Variants in CACNB4 observed in about 807,000 individuals in gnomAD.
The protein encoded by CACNB4 is voltage-dependent L-type calcium channel subunit beta-4.
In CACNB4, 32 loss-of-function variants were observed where a neutral mutation model predicts 71.2. That is an observed-to-expected ratio of 0.45 (90% CI 0.34 to 0.60). The LOEUF is 0.60. Ranked by LOEUF, CACNB4 falls within the 20% of genes least tolerant of loss-of-function variation. The probability of loss-of-function intolerance (pLI) is 0.01; values close to 1 mark genes in which losing one functional copy is unlikely to be tolerated. For synonymous variants in CACNB4, 231 were observed against 236.9 expected, an observed-to-expected ratio of 0.97 and a Z score of 0.23; for missense variants, 464 against 647.9, an observed-to-expected ratio of 0.72 and a Z score of 3.08.
At chr2:152,091,567 G>A (rs1052110274) in intron 2 of CACNB4, among the ~76,000 whole-genome samples, 2 of 152,116 alleles carry the variant, frequency 1.3e-5, no homozygotes, top group Admixed American at 6.5e-5. Flanking sequence ...GAACCCAGGA[G>A]GCAGAGCTTG....
chr2:151,945,875 T>TAA (rs34099714), intron 2 of CACNB4, among the ~76,000 whole-genome samples: 5 of 135,110 alleles, frequency 3.7e-5, no homozygotes, highest in East Asian at 2.2e-4. Flanking sequence ...ACCCTGTCTT[T>TAA]AAAAAAAAAA....
At chr2:152,088,346 T>A (rs181774331) in intron 2 of CACNB4, among the ~76,000 whole-genome samples, 1 of 152,316 alleles carries the variant, frequency 6.6e-6, no homozygotes, top group East Asian at 1.9e-4. Flanking sequence ...CTGCACAAGT[T>A]ACTATGCATT....
intron 2 of CACNB4, among the ~76,000 whole-genome samples, chr2:152,046,444 G>C (rs2680981): frequency 0.73 from 111,190 of 152,126 alleles, 40,910 homozygotes; most frequent in East Asian, 0.89. Context: ...ATAATTTCTT[G>C]CCTACAGCTA....
chr2:151,861,585 GTAATCCCAGCAC>G (rs1292991048), intron 9 of CACNB4: 1 of 152,216 alleles, frequency 6.6e-6, no homozygotes, highest in East Asian at 1.9e-4. Context: ...GCTCATGCCT[GTAATCCCAGCAC>G]TTTGGGAGGC....
At chr2:152,059,121 G>A (rs1271562097) in intron 2 of CACNB4, among the ~76,000 whole-genome samples, 1 of 152,248 alleles carries the variant, frequency 6.6e-6, no homozygotes. Flanking sequence ...TGCTGCAGGA[G>A]TGGAGCCCTC....
chr2:151,966,910 G>T (rs534207157), intron 2 of CACNB4, among the ~76,000 whole-genome samples: 30 of 152,106 alleles, frequency 2.0e-4, no homozygotes, highest in Admixed American at 5.9e-4. Context: ...CACCCAAAAA[G>T]TAAGTTCTAT....
At chr2:151,893,145 T>C (rs1347513454) in intron 2 of CACNB4, among the ~76,000 whole-genome samples, 2 of 152,058 alleles carry the variant, frequency 1.3e-5, no homozygotes, top group African/African-American at 4.8e-5. Context: ...TAATGCATGA[T>C]ATAGGAAACA....
intron 2 of CACNB4, among the ~76,000 whole-genome samples, chr2:152,029,528 A>G (rs962104098): frequency 6.6e-6 from 1 of 150,740 alleles, no homozygotes; most frequent in African/African-American, 2.4e-5. Context: ...AAAAGAAAAG[A>G]AAAGAAAAGA....
chr2:151,901,812 A>C (rs1445826591), intron 2 of CACNB4, among the ~76,000 whole-genome samples: 1 of 152,198 alleles, frequency 6.6e-6, no homozygotes, highest in Non-Finnish European at 1.5e-5. Flanking sequence ...CATTTTAAGC[A>C]ATCATTGTTT....
chr2:152,012,704 TAA>T (rs368041023), intron 2 of CACNB4, among the ~76,000 whole-genome samples: 3 of 152,136 alleles, frequency 2.0e-5, no homozygotes, highest in African/African-American at 7.2e-5. Context: ...TGTTTTAAGC[TAA>T]GTGTTATTCC....
At chr2:151,842,140 G>A in intron 12 of CACNB4, 52 bp from the exon 13 acceptor site, 1 of 1,488,346 alleles carries the variant, frequency 6.7e-7, no homozygotes, top group South Asian at 1.2e-5. Context: ...TTTAGGCAAT[G>A]AAACCTAAAA....
At chr2:151,853,700 G>T in intron 11 of CACNB4, 157 bp from the exon 12 acceptor site, 1 of 518,632 alleles carries the variant, frequency 1.9e-6, no homozygotes, top group Non-Finnish European at 3.4e-6. Flanking sequence ...GATGTCATCT[G>T]CTTACATTGG....
chr2:151,870,620 G>C lies in CACNB4; in HGVS notation c.619-9C>G. 1 of 1,611,100 alleles carries C rather than the reference G, an allele frequency of 6.2e-7. No homozygotes were observed. The highest frequency in any genetic ancestry group is 8.5e-7 in the Non-Finnish European group (1 of 1,177,904). On this transcript the variant is annotated splice_polypyrimidine_tract_variant and intron_variant, in intron 7 of 13. Coordinates refer to ENST00000539935, the MANE Select transcript of CACNB4 (RefSeq NM_000726.5). ...GGAGGAATGTGCTCCGTCTGAAAAA[G>C]ATGATTCGACACGCGTGACAAGGTG...
At position 152,038,439 on chromosome 2, in the gene CACNB4, T is replaced by C. The variant is rs373745264; in HGVS notation, c.147+59891A>G. On this transcript the variant is annotated intron_variant, in intron 2 of 13. Coordinates refer to ENST00000539935, the MANE Select transcript of CACNB4 (RefSeq NM_000726.5). ...GGCAAGAAGCTGGAATGCAGCTTGA[T>C]TGCAGATAATGAATGTGTTCAGCAG... Among the ~76,000 whole-genome samples the C allele has an allele frequency of 6.6e-5, 10 of 152,258 alleles. 1 individual carries two copies. In the South Asian group the frequency reaches 1.9e-3, roughly 28 times the overall value.
chr2:151,917,470 C>G (rs187291472), intron 2 of CACNB4, among the ~76,000 whole-genome samples: 1 of 152,118 alleles, frequency 6.6e-6, no homozygotes, highest in Non-Finnish European at 1.5e-5. Flanking sequence ...TAAAGAGCTC[C>G]GCACAGGGCA....
chr2:152,036,520 G>A (rs576657571), intron 2 of CACNB4, among the ~76,000 whole-genome samples: 33 of 152,218 alleles, frequency 2.2e-4, no homozygotes, highest in African/African-American at 7.0e-4. Context: ...GGCTGGTCTC[G>A]AACTCCTGAC....
At chr2:152,003,897 T>G (rs73013226) in intron 2 of CACNB4, among the ~76,000 whole-genome samples, 3,393 of 151,192 alleles carry the variant, frequency 0.022, 123 homozygotes, top group African/African-American at 0.079. Flanking sequence ...CAGGCTGGAG[T>G]GCAATGGTGC....
chr2:152,011,582 G>C (rs1488920346), intron 2 of CACNB4, among the ~76,000 whole-genome samples: 2 of 152,198 alleles, frequency 1.3e-5, no homozygotes, highest in Non-Finnish European at 2.9e-5. Context: ...CTGTCACAAA[G>C]ATGCTAAAGC....
chr2:152,024,388 T>C (rs1180699601), intron 2 of CACNB4, among the ~76,000 whole-genome samples: 1 of 152,210 alleles, frequency 6.6e-6, no homozygotes, highest in Non-Finnish European at 1.5e-5. Flanking sequence ...AAAAAATGAA[T>C]ATATGCAGAC....
Sources: gnomAD v4.1 joint callset for allele counts (sites outside exome capture counted in the v4.1 genomes callset) on GRCh38, gnomAD v4.1.1 for gene constraint, MANE v1.5 for transcripts, NCBI Gene and HGNC (gene_info 2026-07-23, HGNC 2026-07-21) for gene names.